The following CHST10 variants were observed in gnomAD, a reference collection of about 807,000 sequenced individuals.
The protein encoded by CHST10 is HNK-1 sulfotransferase.
In CHST10, 24 loss-of-function variants were observed where a neutral mutation model predicts 34.7. The ratio of observed to expected loss-of-function variants is 0.69; its 90% CI spans 0.50 to 0.97. The LOEUF (loss-of-function observed/expected upper bound fraction) is 0.97. Among genes scored for constraint, CHST10 ranks in the 50% least tolerant of loss-of-function variants. The pLI, the probability that CHST10 is intolerant of heterozygous loss-of-function variation, is 0.00. For synonymous variants in CHST10, 161 were observed against 169.3 expected, an observed-to-expected ratio of 0.95 and a Z score of 0.38; for missense variants, 402 against 452.1, an observed-to-expected ratio of 0.89 and a Z score of 1.00.
intron 2 of CHST10, among the ~76,000 whole-genome samples, chr2:100,410,678 C>A (rs1438204269): frequency 6.6e-6 from 1 of 152,198 alleles, no homozygotes; most frequent in African/African-American, 2.4e-5. Flanking sequence ...TATCCATTAA[C>A]TGAGACTAGA....
In CHST10 at chr2:100,415,759, TAAC is replaced by T. The variant is rs1676040520; in HGVS notation, c.-103-651_-103-649del. 2.0e-5 allele frequency: 3 copies of T among 152,400 alleles called. No homozygotes were observed. The South Asian group carries it at 6.2e-4, about 32-fold the overall frequency. The allele number at this position is 152,400 out of a possible 1,614,324, so 9.4% of individuals were successfully genotyped here. On this transcript the variant is annotated intron_variant, in intron 1 of 6. Coordinates refer to ENST00000264249, the MANE Select transcript of CHST10 (RefSeq NM_004854.5). ...GCTTTATATACAGTCATTCATCACT[TAAC>T]AATAGGGATACCTTCTGAGAAATGT...
rs141034120 is a variant in CHST10 at position 100,404,256 on chromosome 2, G to A, written c.101-1601C>T. On this transcript the variant is annotated intron_variant, in intron 3 of 6. Transcript: ENST00000264249. ...TCACTGAGTTCACTGCACACTGTGC[G>A]GCCAACAGCATCCTCACCACCAGCA... is the stretch of plus-strand genomic sequence containing the variant. Among the ~76,000 whole-genome samples, 562 of 152,244 alleles carry A rather than the reference G, an allele frequency of 3.7e-3. 2 individuals carry two copies. The highest frequency in any genetic ancestry group is 6.6e-3 in the South Asian group (32 of 4,814).
intron 3 of CHST10, among the ~76,000 whole-genome samples, chr2:100,406,078 G>A (rs773400821): frequency 1.2e-4 from 19 of 152,298 alleles, no homozygotes; most frequent in Middle Eastern, 3.4e-3. Context: ...GTTCAGTAAA[G>A]GAGAGCTAAG....
intron 1 of CHST10, chr2:100,416,209 T>C (rs1676061420): frequency 6.6e-6 from 1 of 152,254 alleles, no homozygotes; most frequent in Non-Finnish European, 1.5e-5. Flanking sequence ...TTTCTATTCC[T>C]GGCTCTCTCT....
Position 100,395,557 on chromosome 2 carries a change from T to G in CHST10, c.485A>C (p.Asn162Thr), listed in dbSNP as rs1338524866. 6.2e-7 allele frequency: 1 copy of G among 1,613,872 alleles called. No individual in the cohort carries two copies. Among genetic ancestry groups the G allele is most frequent in the Non-Finnish European group, 8.5e-7 (1 of 1,179,896 alleles). The change falls in exon 6 of 7, where the codon AAC (asparagine) becomes ACC (threonine). Residue 162 changes from asparagine to threonine, a missense_variant. Transcript: ENST00000264249. ...GAAGGAAGAGAGCCGAGGAAGGCCG[T>G]TCTTCTCGTGGTCGTGCACCACGTT... ...PENVVHDHEK[N>T]GLPRLSSFSD...
At chr2:100,398,659 C>T (rs988530662) in intron 4 of CHST10, among the ~76,000 whole-genome samples, 8 of 152,100 alleles carry the variant, frequency 5.3e-5, no homozygotes, top group Admixed American at 3.9e-4. Context: ...AGCCTAAGAT[C>T]GCACTACTGC....
At chr2:100,398,269 G>A in intron 4 of CHST10, 127 bp from the exon 5 acceptor site, 1 of 675,822 alleles carries the variant, frequency 1.5e-6, no homozygotes, top group Non-Finnish European at 2.5e-6. Flanking sequence ...TCCCTTCCTT[G>A]TCTGTCTACA....
At chr2:100,409,900 G>C (rs1675751297) in intron 2 of CHST10, among the ~76,000 whole-genome samples, 1 of 152,150 alleles carries the variant, frequency 6.6e-6, no homozygotes, top group South Asian at 2.1e-4. Flanking sequence ...CACTCCATTA[G>C]GATAGGAGAA....
chr2:100,399,423 T>C (rs1386347332), intron 4 of CHST10, among the ~76,000 whole-genome samples: 16 of 152,190 alleles, frequency 1.1e-4, no homozygotes, highest in Admixed American at 9.2e-4. Flanking sequence ...CTCTTAAAGC[T>C]ACACAGAACT....
chr2:100,393,861 G>A, intron 6 of CHST10, 79 bp from the exon 7 acceptor site: 1 of 1,161,808 alleles, frequency 8.6e-7, no homozygotes, highest in Non-Finnish European at 1.2e-6. Context: ...GGAAGAATGA[G>A]CGGAGTGCAG....
Position 100,393,762 on chromosome 2 carries a change from A to G in CHST10, c.554T>C (p.Phe185Ser), listed in dbSNP as rs1486029206. 4.4e-6 allele frequency: 7 copies of G among 1,608,688 alleles called. No individual in the cohort carries two copies. In the African/African-American group the frequency reaches 9.4e-5, roughly 21 times the overall value. ...TTCGAAGGGATCTCTTACAATAAAA[A>G]ACTTGAAGTATGTTTTCAATCTAAG... ...IQKRLKTYFK[F>S]FIVRDPFERL... The change falls in exon 7 of 7, where the codon TTT becomes TCT. Residue 185 changes from phenylalanine (F) to serine (S), a missense_variant. Transcript: ENST00000264249.
chr2:100,399,600 G>A (rs1371885777), intron 4 of CHST10, among the ~76,000 whole-genome samples: 1 of 152,196 alleles, frequency 6.6e-6, no homozygotes, highest in Admixed American at 6.5e-5. Context: ...AAATGGGAAG[G>A]ACATAAGACT....
At chr2:100,395,677 T>C (rs764313887) in intron 5 of CHST10, 63 bp from the exon 6 acceptor site, 5 of 1,276,682 alleles carry the variant, frequency 3.9e-6, no homozygotes, top group Non-Finnish European at 5.7e-6. Context: ...GAGAAGGGCA[T>C]GTCCTTACCT....
chr2:100,417,350 C>T, intron 1 of CHST10, 24 bp downstream of exon 1: 1 of 344,128 alleles, frequency 2.9e-6, no homozygotes, highest in South Asian at 2.3e-5. Context: ...TGAAACCCAC[C>T]CGCCTGCGCG....
Position 100,401,434 on chromosome 2 carries a change from C to T in CHST10, c.192+1130G>A, listed in dbSNP as rs78580959. 3.7e-3 allele frequency among the ~76,000 whole-genome samples: 564 copies of T among 152,294 alleles called. 2 individuals are homozygous for T. The highest frequency in any genetic ancestry group is 6.6e-3 in the South Asian group (32 of 4,824). ...AATCTCTCCGGGAGCACCCTCCACCCGGAGAGGGAGCACCAAGATGACCAC... is the reference window on the plus strand; with the variant it reads ...AATCTCTCCGGGAGCACCCTCCACCTGGAGAGGGAGCACCAAGATGACCAC... On this transcript the variant is annotated intron_variant, in intron 4 of 6. Transcript: ENST00000264249.
In CHST10 at chr2:100,415,112, C is replaced by T. The variant is rs75042666; in HGVS notation, c.-103-1G>A. 53 of 1,288,668 alleles carry T rather than the reference C, an allele frequency of 4.1e-5. 2 individuals carry two copies. In the East Asian group the frequency reaches 2.6e-3, roughly 63 times the overall value. 79.8% of individuals were successfully genotyped at this position (1,288,668 alleles called of 1,614,324 possible). On this transcript the variant is annotated splice_acceptor_variant, in intron 1 of 6. Transcript: ENST00000264249. LOFTEE classifies it low-confidence loss of function (5UTR_SPLICE). ...CTGAGGTTCTTGGTTCCTCTTGTCA[C>T]TGGATAGGAAAATTAAAAAAAAAAA...
chr2:100,405,363 G>C (rs1346530423), intron 3 of CHST10, among the ~76,000 whole-genome samples: 3 of 152,178 alleles, frequency 2.0e-5, no homozygotes, highest in Admixed American at 2.0e-4. Flanking sequence ...GCCAATCAGG[G>C]CCCAACAACT....
In CHST10 at chr2:100,406,830, T is replaced by C. The variant is rs185391546; in HGVS notation, c.-32-123A>G. ...CACAAATATTTCCGTTTTTTTCCAC[T>C]GCTACAATAGGTAGTTTGACTTGGC... On this transcript the variant is annotated intron_variant, in intron 2 of 6. Transcript: ENST00000264249. 508 of 1,128,836 alleles carry C rather than the reference T, an allele frequency of 4.5e-4. 2 individuals carry two copies. In the African/African-American group the frequency reaches 6.9e-3, roughly 15 times the overall value. 69.9% of individuals were successfully genotyped at this position (1,128,836 alleles called of 1,614,324 possible). A position where few individuals can be genotyped will look rare whatever the true frequency, so the allele number is the denominator to read the frequency against.
chr2:100,411,622 C>T (rs1675847921), intron 2 of CHST10, among the ~76,000 whole-genome samples: 1 of 152,172 alleles, frequency 6.6e-6, no homozygotes, highest in Admixed American at 6.5e-5. Context: ...AAAATAATGA[C>T]TTCAAGCTCA....
Sources: gnomAD v4.1 joint callset for allele counts (sites outside exome capture counted in the v4.1 genomes callset) on GRCh38, gnomAD v4.1.1 for gene constraint, MANE v1.5 for transcripts, NCBI Gene and HGNC (gene_info 2026-07-23, HGNC 2026-07-21) for gene names.